Variants in SLCO2B1 observed in about 807,000 individuals in gnomAD.
SLCO2B1 encodes solute carrier organic anion transporter family member 2B1.
A neutral mutation model predicts 67.3 loss-of-function variants in SLCO2B1; 41 were observed. That is an observed-to-expected ratio of 0.61 (90% CI 0.47 to 0.79). SLCO2B1 has a LOEUF of 0.79. Ranked by LOEUF, SLCO2B1 falls within the 30% of genes least tolerant of loss-of-function variation. SLCO2B1 has a pLI of 0.00. For missense variants in SLCO2B1, 837 were observed against 920.1 expected, an observed-to-expected ratio of 0.91 and a Z score of 1.17; for synonymous variants, 379 against 381.4, an observed-to-expected ratio of 0.99 and a Z score of 0.07.
chr11:75,184,527 C>A (rs1950127376), intron 7 of SLCO2B1, among the ~76,000 whole-genome samples: 1 of 152,182 alleles, frequency 6.6e-6, no homozygotes, highest in South Asian at 2.1e-4. Context: ...GCTCAAGCAC[C>A]AGGGAGGCCC....
At position 75,172,433 on chromosome 11, in the gene SLCO2B1, G is replaced by T; in HGVS notation, c.836G>T (p.Gly279Val). Residue 279 changes from glycine (G) to valine (V), a missense_variant, in exon 7 of 14, where the codon GGT becomes GTT. By Grantham distance (109) the Gly-to-Val change is moderately radical (BLOSUM62 -3). Transcript: ENST00000289575. Reference sequence around the variant, plus strand: ...CGATGGGTGGGTGCCTGGTGGCTGGGTTTCCTCATCGCTGCCGGTGCAGTG... The same window carrying T: ...CGATGGGTGGGTGCCTGGTGGCTGGTTTTCCTCATCGCTGCCGGTGCAGTG... The part of the protein sequence containing the change: ...DPRWVGAWWL[G>V]FLIAAGAVAL... 1 of 1,614,180 alleles carries T rather than the reference G, an allele frequency of 6.2e-7. No homozygotes were observed. The highest frequency in any genetic ancestry group is 1.1e-5 in the South Asian group (1 of 91,086).
At chr11:75,196,990 C>T (rs1396019185) in intron 10 of SLCO2B1, among the ~76,000 whole-genome samples, 3 of 152,158 alleles carry the variant, frequency 2.0e-5, no homozygotes, top group Non-Finnish European at 2.9e-5. Flanking sequence ...GTGGTGTGCA[C>T]CTGTAATCCC....
intron 7 of SLCO2B1, among the ~76,000 whole-genome samples, chr11:75,180,073 A>C (rs1950075947): frequency 6.6e-6 from 1 of 152,176 alleles, no homozygotes; most frequent in African/African-American, 2.4e-5. Context: ...GCTGGAGTGC[A>C]GTAGCGCAAT....
At chr11:75,181,570 A>G (rs184742241) in intron 7 of SLCO2B1, among the ~76,000 whole-genome samples, 229 of 152,214 alleles carry the variant, frequency 1.5e-3, no homozygotes, top group African/African-American at 5.0e-3. Context: ...CAGAGTCCAC[A>G]TTGGCTCTGT....
chr11:75,186,060 T>C (rs1403665284), intron 7 of SLCO2B1, among the ~76,000 whole-genome samples: 1 of 152,100 alleles, frequency 6.6e-6, no homozygotes, highest in Non-Finnish European at 1.5e-5. Context: ...GCCCAGCAAG[T>C]CCCAGCCTCA....
At chr11:75,187,722 G>A (rs910048959) in intron 7 of SLCO2B1, among the ~76,000 whole-genome samples, 6 of 152,270 alleles carry the variant, frequency 3.9e-5, no homozygotes, top group Admixed American at 1.3e-4. Context: ...TCATCACATC[G>A]TGATGGTAAT....
chr11:75,166,792 A>G (rs1949898124), intron 4 of SLCO2B1, among the ~76,000 whole-genome samples: 1 of 152,174 alleles, frequency 6.6e-6, no homozygotes, highest in Non-Finnish European at 1.5e-5. Context: ...AACAAAAAAC[A>G]ATTGTGTGAG....
intron 8 of SLCO2B1, among the ~76,000 whole-genome samples, chr11:75,189,772 C>T (rs561222407): frequency 2.6e-5 from 4 of 151,896 alleles, no homozygotes; most frequent in Non-Finnish European, 4.4e-5. Context: ...CATAAGGAGA[C>T]CCTGCCTCTA....
rs1018062945 is a variant in SLCO2B1 at position 75,193,152 on chromosome 11, G to A, written c.1076-66G>A. On this transcript the variant is annotated intron_variant, in intron 8 of 13. Transcript: ENST00000289575. This position sits in a 1 kb window ranked among gnomAD's most constrained non-coding sequence, Gnocchi z 4.2. The stretch of plus-strand genomic sequence containing the variant: ...GAACTGCTTGAACTGAGCAGGGCAG[G>A]AGGGCAGTCTCTGCTGGACAGCTTG... The A allele has an allele frequency of 1.7e-6, 2 of 1,184,668 alleles. No homozygotes were observed. The highest frequency in any genetic ancestry group is 1.2e-6 in the Non-Finnish European group (1 of 827,448). 73.4% of individuals were successfully genotyped at this position (1,184,668 alleles called of 1,614,324 possible).
chr11:75,151,337 C>T lies in SLCO2B1; in HGVS notation c.-45C>T, dbSNP rs1949685106. 6.3e-7 allele frequency: 1 copy of T among 1,599,982 alleles called. No individual in the cohort carries two copies. On this transcript the variant is annotated 5_prime_UTR_variant, in exon 1 of 14. Coordinates refer to ENST00000289575, the MANE Select transcript of SLCO2B1 (RefSeq NM_007256.5). ...TCCTCTCCCCTGCTAAGCTCCAGGTCCTGAGATTAAATTAGGGGCTGGAGC... is the reference window on the plus strand; with the variant it reads ...TCCTCTCCCCTGCTAAGCTCCAGGTTCTGAGATTAAATTAGGGGCTGGAGC...
intron 8 of SLCO2B1, among the ~76,000 whole-genome samples, chr11:75,191,358 T>C (rs897815892): frequency 4.6e-5 from 7 of 152,172 alleles, no homozygotes; most frequent in African/African-American, 1.7e-4. Flanking sequence ...GAGCAGCTTA[T>C]GGCAAGAAGG....
chr11:75,175,616 CTCTA>C (rs200547929), intron 7 of SLCO2B1, among the ~76,000 whole-genome samples: 2,953 of 151,994 alleles, frequency 0.019, 41 homozygotes, highest in Middle Eastern at 0.041. Flanking sequence ...GCCTCAGTGT[CTCTA>C]TCTGTCTAAT....
intron 10 of SLCO2B1, among the ~76,000 whole-genome samples, chr11:75,198,759 T>C (rs2140343632): frequency 6.6e-6 from 1 of 152,286 alleles, no homozygotes; most frequent in South Asian, 2.1e-4. Context: ...GGCTCAGGGA[T>C]GGGTGGCTCA....
At chr11:75,202,127 A>G (rs1047880777) in intron 11 of SLCO2B1, 60 of 152,250 alleles carry the variant, frequency 3.9e-4, no homozygotes, top group African/African-American at 1.4e-3. Context: ...GATAATTTCC[A>G]TTTTCCTTCT....
chr11:75,162,373 A>AG (rs921465220), intron 1 of SLCO2B1, among the ~76,000 whole-genome samples: 6 of 152,186 alleles, frequency 3.9e-5, no homozygotes, highest in Non-Finnish European at 7.4e-5. Context: ...TCTCCCTAGA[A>AG]GGGAAGTTTT....
chr11:75,169,344 A>T lies in SLCO2B1; in HGVS notation c.620A>T (p.Gln207Leu). The T allele has an allele frequency of 6.2e-7, 1 of 1,613,916 alleles. No homozygotes were observed. The highest frequency in any genetic ancestry group is 8.5e-7 in the Non-Finnish European group (1 of 1,179,884). The change falls in exon 5 of 14, where the codon CAG becomes CTG. Residue 207 changes from glutamine to leucine, a missense_variant. Coordinates refer to ENST00000289575, the MANE Select transcript of SLCO2B1 (RefSeq NM_007256.5). ...CTGGGCGTGGGCGGGGTGCCCATTC[A>T]GCCCTTTGGCATCTCCTACATCGAT... ...TLLGVGGVPI[Q>L]PFGISYIDDF... is the part of the protein sequence containing the mutation.
intron 9 of SLCO2B1, among the ~76,000 whole-genome samples, chr11:75,194,702 A>G (rs1227537338): frequency 6.6e-6 from 1 of 152,196 alleles, no homozygotes; most frequent in Non-Finnish European, 1.5e-5. Flanking sequence ...TGGTCTGAGG[A>G]GGGAGCCAGG....
chr11:75,155,138 G>A (rs766039270), intron 1 of SLCO2B1, among the ~76,000 whole-genome samples: 1 of 152,108 alleles, frequency 6.6e-6, no homozygotes, highest in African/African-American at 2.4e-5. Flanking sequence ...AAACCTGCCA[G>A]ATCTCCTTCA....
Position 75,193,072 on chromosome 11 carries a change from G to C in SLCO2B1, c.1076-146G>C. On this transcript the variant is annotated intron_variant, in intron 8 of 13. Coordinates refer to ENST00000289575, the MANE Select transcript of SLCO2B1 (RefSeq NM_007256.5). This position sits in a 1 kb window ranked among gnomAD's most constrained non-coding sequence, Gnocchi z 4.2. ...TAGAGTAAATGGAATGGAGTCAAGT[G>C]GGATAAAATTGATTGCAATAGAATT... 1.6e-6 allele frequency: 1 copy of C among 633,516 alleles called. No homozygotes were observed. The highest frequency in any genetic ancestry group is 2.7e-6 in the Non-Finnish European group (1 of 365,860). 39.2% of individuals were successfully genotyped at this position (633,516 alleles called of 1,614,324 possible). A position where few individuals can be genotyped will look rare whatever the true frequency, so the allele number is the denominator to read the frequency against.
Sources: gnomAD v4.1 joint callset for allele counts (sites outside exome capture counted in the v4.1 genomes callset) on GRCh38, gnomAD v4.1.1 for gene constraint, Gnocchi (gnomAD v3.1) non-coding constraint, MANE v1.5 for transcripts, NCBI Gene and HGNC (gene_info 2026-07-23, HGNC 2026-07-21) for gene names.